Variants in POU2F1 observed in about 807,000 individuals in gnomAD.
POU2F1 encodes the protein POU class 2 homeobox 1, also known as POU domain, class 2, transcription factor 1.
POU2F1 carries 16 observed loss-of-function variants against 84.9 expected under a neutral mutation model. The observed-to-expected ratio is 0.19, with a 90% CI of 0.13 to 0.29. The LOEUF (loss-of-function observed/expected upper bound fraction) is 0.29. Ranked by LOEUF, POU2F1 falls within the 10% of genes least tolerant of loss-of-function variation. The pLI is 1.00. For synonymous variants in POU2F1, 368 were observed against 368.3 expected (o/e 1.00, Z 0.01); for missense variants, 738 against 942.6 (o/e 0.78, Z 2.84).
At chr1:167,342,108 G>T (rs1657899162) in intron 2 of POU2F1, among the ~76,000 whole-genome samples, 1 of 152,088 alleles carries the variant, frequency 6.6e-6, no homozygotes, top group Non-Finnish European at 1.5e-5. Flanking sequence ...AGGCCAAAAG[G>T]CAACTTTTGG....
chr1:167,275,643 G>C (rs1330747504), intron 1 of POU2F1, among the ~76,000 whole-genome samples: 1 of 151,962 alleles, frequency 6.6e-6, no homozygotes, highest in Non-Finnish European at 1.5e-5. Flanking sequence ...TGAAGGTTTA[G>C]GGCAAGGAAA....
intron 1 of POU2F1, among the ~76,000 whole-genome samples, chr1:167,293,743 C>G (rs979308964): frequency 2.0e-5 from 3 of 152,142 alleles, no homozygotes; most frequent in African/African-American, 7.2e-5. Flanking sequence ...CAACATGGTA[C>G]TGGTATAAAA....
At chr1:167,342,877 AT>A (rs1657953431) in intron 2 of POU2F1, among the ~76,000 whole-genome samples, 1 of 152,158 alleles carries the variant, frequency 6.6e-6, no homozygotes, top group Non-Finnish European at 1.5e-5. Context: ...AGAAATACTA[AT>A]TTTGTTTGGA....
At chr1:167,297,077 A>G (rs1321820933) in intron 1 of POU2F1, among the ~76,000 whole-genome samples, 3 of 152,204 alleles carry the variant, frequency 2.0e-5, no homozygotes, top group African/African-American at 7.2e-5. Context: ...TTGATTTTGC[A>G]CTAATAACCA....
rs552258796 is a variant in POU2F1 at position 167,420,980 on chromosome 1, A to G, written c.*5170A>G. ...GGGAGAAAAATACTAAAGACCCAAAATTTAAAATTTTCCAAAATGGACAAG... is the reference window on the plus strand; with the variant it reads ...GGGAGAAAAATACTAAAGACCCAAAGTTTAAAATTTTCCAAAATGGACAAG... On this transcript the variant is annotated 3_prime_UTR_variant, in exon 16 of 16. Coordinates refer to ENST00000367866, the MANE Select transcript of POU2F1 (RefSeq NM_002697.4). The G allele has an allele frequency of 3.9e-5, 6 of 152,338 alleles. No homozygotes were observed. Among genetic ancestry groups the G allele is most frequent in the African/African-American group, 1.4e-4 (6 of 41,582 alleles). The allele number at this position is 152,338 out of a possible 1,614,324, so 9.4% of individuals were successfully genotyped here.
At chr1:167,275,148 C>T (rs1557862185) in intron 1 of POU2F1, among the ~76,000 whole-genome samples, 1 of 151,680 alleles carries the variant, frequency 6.6e-6, no homozygotes, top group East Asian at 1.9e-4. Flanking sequence ...TCAGCCTTCC[C>T]CCAGTAGCTG....
At chr1:167,241,335 A>T (rs1649886257) in intron 1 of POU2F1, 1 of 152,142 alleles carries the variant, frequency 6.6e-6, no homozygotes, top group South Asian at 2.1e-4. Flanking sequence ...TCTGTTTTTT[A>T]GTGCCGGGTG....
chr1:167,274,618 A>G (rs1652593228), intron 1 of POU2F1, among the ~76,000 whole-genome samples: 1 of 152,100 alleles, frequency 6.6e-6, no homozygotes, highest in Non-Finnish European at 1.5e-5. Flanking sequence ...ATATAGACCA[A>G]AATTACTCTG....
At chr1:167,403,348 C>G (rs990378797) in intron 13 of POU2F1, among the ~76,000 whole-genome samples, 3 of 152,206 alleles carry the variant, frequency 2.0e-5, no homozygotes, top group African/African-American at 7.2e-5. Context: ...GACTCAGGCT[C>G]TGCCTGGACA....
At chr1:167,239,061 G>A (rs1351442681) in intron 1 of POU2F1, among the ~76,000 whole-genome samples, 1 of 152,036 alleles carries the variant, frequency 6.6e-6, no homozygotes, top group East Asian at 1.9e-4. Context: ...ATGGTGTAAG[G>A]TGTAACCCTG....
chr1:167,426,728 T>C lies in POU2F1; in HGVS notation c.*10918T>C, dbSNP rs986529647. On this transcript the variant is annotated 3_prime_UTR_variant, in exon 16 of 16. Coordinates refer to ENST00000367866, the MANE Select transcript of POU2F1 (RefSeq NM_002697.4). ...TTTTTGTTTTATGTACTTTAAAATG[T>C]GAGTTTGAGTTCTTCTTTGTGGAAA... 1 of 152,232 alleles carries C rather than the reference T, an allele frequency of 6.6e-6. No homozygotes were observed. The highest frequency in any genetic ancestry group is 2.4e-5 in the African/African-American group (1 of 41,464). The allele number at this position is 152,232 out of a possible 1,614,324, so 9.4% of individuals were successfully genotyped here. A position where few individuals can be genotyped will look rare whatever the true frequency, so the allele number is the denominator to read the frequency against.
At chr1:167,271,912 C>T (rs1191005420) in intron 1 of POU2F1, among the ~76,000 whole-genome samples, 1 of 152,100 alleles carries the variant, frequency 6.6e-6, no homozygotes, top group African/African-American at 2.4e-5. Context: ...TATTTCATGA[C>T]ATTATAATTA....
At chr1:167,369,277 C>T (rs908237209) in intron 3 of POU2F1, among the ~76,000 whole-genome samples, 2 of 152,164 alleles carry the variant, frequency 1.3e-5, no homozygotes, top group African/African-American at 4.8e-5. Context: ...CTCAGTGCAT[C>T]TTAGCAGAAG....
chr1:167,242,295 G>A (rs1037231253), intron 1 of POU2F1, among the ~76,000 whole-genome samples: 7 of 152,324 alleles, frequency 4.6e-5, no homozygotes, highest in East Asian at 3.9e-4. Flanking sequence ...TGCCATGCAC[G>A]AGAATTTCAG....
intron 1 of POU2F1, among the ~76,000 whole-genome samples, chr1:167,275,150 C>T (rs1467343929): frequency 6.6e-6 from 1 of 151,442 alleles, no homozygotes; most frequent in Non-Finnish European, 1.5e-5. Flanking sequence ...AGCCTTCCCC[C>T]AGTAGCTGAG....
At chr1:167,309,117 T>C (rs75449524) in intron 1 of POU2F1, among the ~76,000 whole-genome samples, 1 of 151,704 alleles carries the variant, frequency 6.6e-6, no homozygotes, top group South Asian at 2.1e-4. Flanking sequence ...TTTTTTTTTT[T>C]CTTTGAGAAT....
chr1:167,409,787 T>C (rs914604958), intron 13 of POU2F1, among the ~76,000 whole-genome samples: 29 of 152,182 alleles, frequency 1.9e-4, no homozygotes, highest in African/African-American at 6.7e-4. Context: ...GCTCAAGATA[T>C]TAGGACTTAT....
chr1:167,384,033 A>C (rs1647772851), intron 8 of POU2F1, 82 bp downstream of exon 8: 2 of 1,160,432 alleles, frequency 1.7e-6, no homozygotes, highest in East Asian at 5.4e-5. Context: ...TTTTTTTTTA[A>C]ATCTAATAAA....
At chr1:167,398,966 A>G (rs1213200780) in intron 11 of POU2F1, among the ~76,000 whole-genome samples, 1 of 152,198 alleles carries the variant, frequency 6.6e-6, no homozygotes, top group East Asian at 1.9e-4. Context: ...ATGAAAAACT[A>G]TAGATATTTA....
Sources: gnomAD v4.1 joint callset for allele counts (sites outside exome capture counted in the v4.1 genomes callset) on GRCh38, gnomAD v4.1.1 for gene constraint, MANE v1.5 for transcripts, NCBI Gene and HGNC (gene_info 2026-07-23, HGNC 2026-07-21) for gene names.